The following GPR89B variants were observed in gnomAD, a reference collection of about 807,000 sequenced individuals.
GPR89B encodes the protein golgi pH regulator B, also known as G protein-coupled receptor 89B.
A neutral mutation model predicts 52.4 loss-of-function variants in GPR89B; 25 were observed. The ratio of observed to expected loss-of-function variants is 0.48; its 90% confidence interval spans 0.35 to 0.67. GPR89B has a LOEUF of 0.67. Ranked by LOEUF, GPR89B falls within the 30% of genes least tolerant of loss-of-function variation. The pLI is 0.01. For missense variants in GPR89B, 146 were observed against 450.2 expected (o/e 0.32, Z 6.11); for synonymous variants, 52 against 151.2 (o/e 0.34, Z 4.81).
chr1:147,969,295 A>G (rs1443863547), intron 9 of GPR89B: 5 of 334,622 alleles, frequency 1.5e-5, no homozygotes, highest in African/African-American at 1.1e-4. Context: ...TAGTAATATT[A>G]TAAGAGCAGT....
rs1299249480 is a variant in GPR89B at position 147,993,194 on chromosome 1, A to G, written c.*277A>G. On this transcript the variant is annotated 3_prime_UTR_variant, in exon 14 of 14. Transcript: ENST00000314163. ...TGTAGAGGCGGAGAGGAGCCAAGAA[A>G]CTAAAGGTGAAAAATACACTGGAAC... The G allele has an allele frequency of 1.0e-6, 1 of 985,220 alleles. No individual in the cohort carries two copies. Among genetic ancestry groups the G allele is most frequent in the African/African-American group, 1.6e-5 (1 of 60,970 alleles). The allele number at this position is 985,220 out of a possible 1,614,324, so 61.0% of individuals were successfully genotyped here.
chr1:148,017,261 C>T, the GPR89B span, among the ~76,000 whole-genome samples: 8 of 151,108 alleles, frequency 5.3e-5, no homozygotes, highest in African/African-American at 2.0e-4. Flanking sequence ...CCAGGATGGT[C>T]TCAATCTCCT....
intron 2 of GPR89B, among the ~76,000 whole-genome samples, chr1:147,938,071 G>A (rs1213014666): frequency 6.6e-6 from 1 of 152,150 alleles, no homozygotes; most frequent in Admixed American, 6.5e-5. Context: ...TGCGGCTTCA[G>A]CCAGTCCCTC....
At position 147,941,723 on chromosome 1, in the gene GPR89B, CATG is replaced by C. The variant is rs1317037888; in HGVS notation, c.207-1709_207-1707del. On this transcript the variant is annotated intron_variant, in intron 3 of 13. Transcript: ENST00000314163. ...GAATTAATTTTTATTTTCTTACAGACATGATGATTTTATCTAACTGATCAAATT... is the reference window on the plus strand; with the variant it reads ...GAATTAATTTTTATTTTCTTACAGACATGATTTTATCTAACTGATCAAATT... 5.3e-5 allele frequency among the ~76,000 whole-genome samples: 8 copies of C among 150,012 alleles called. No individual in the cohort carries two copies. In the South Asian group the frequency reaches 6.4e-4, roughly 12 times the overall value.
the GPR89B span, chr1:148,024,779 A>G: frequency 6.6e-6 from 1 of 151,398 alleles, no homozygotes; most frequent in East Asian, 1.9e-4. Context: ...CAGCCTCACA[A>G]AAATCTCAAG....
intron 7 of GPR89B, among the ~76,000 whole-genome samples, chr1:147,964,352 A>G (rs1656876040): frequency 6.6e-6 from 1 of 152,044 alleles, no homozygotes; most frequent in Non-Finnish European, 1.5e-5. Context: ...TCTGTTGTAC[A>G]CTACTACCAA....
chr1:148,011,018 G>A, the GPR89B span: 1 of 152,142 alleles, frequency 6.6e-6, no homozygotes, highest in African/African-American at 2.4e-5. Context: ...TCCTTCCAGA[G>A]ACTCTTCAAA....
chr1:147,998,081 A>G (rs1157340426), downstream of GPR89B, among the ~76,000 whole-genome samples: 1 of 151,684 alleles, frequency 6.6e-6, no homozygotes, highest in Non-Finnish European at 1.5e-5. Context: ...TTTTTGTAAT[A>G]GAATTACAAG....
At chr1:147,994,192 C>T (rs1184276031), downstream of GPR89B, 72 of 1,549,712 alleles carry the variant, frequency 4.6e-5, no homozygotes, top group Non-Finnish European at 5.6e-5. Flanking sequence ...TGGAGTTTTT[C>T]TTCTAAAGAG....
At chr1:147,986,631 A>G (rs1364876946) in intron 11 of GPR89B, among the ~76,000 whole-genome samples, 2 of 152,152 alleles carry the variant, frequency 1.3e-5, no homozygotes, top group Non-Finnish European at 2.9e-5. Flanking sequence ...AAGTATTCAA[A>G]TACTTCTCTC....
At chr1:147,972,525 T>C (rs1444350435) in intron 10 of GPR89B, among the ~76,000 whole-genome samples, 1 of 151,806 alleles carries the variant, frequency 6.6e-6, no homozygotes, top group African/African-American at 2.4e-5. Flanking sequence ...TTCTAATAGA[T>C]ACGAGGTGAT....
the GPR89B span, among the ~76,000 whole-genome samples, chr1:148,015,376 G>A: frequency 1.4e-4 from 21 of 146,524 alleles, no homozygotes; most frequent in African/African-American, 5.5e-4. Flanking sequence ...GTGCAGTGGC[G>A]CCATCTCGGC....
intron 11 of GPR89B, among the ~76,000 whole-genome samples, chr1:147,988,156 G>A (rs1163941668): frequency 2.6e-4 from 39 of 151,454 alleles, no homozygotes; most frequent in Non-Finnish European, 4.6e-4. Context: ...AGTTTGAGAC[G>A]AGCCTGAACT....
intron 10 of GPR89B, among the ~76,000 whole-genome samples, chr1:147,980,396 C>A (rs1431248615): frequency 8.3e-6 from 1 of 120,450 alleles, no homozygotes; most frequent in Non-Finnish European, 1.7e-5. Context: ...TCTATTTCTT[C>A]TTGAGTGAGC....
At chr1:147,972,418 AT>A (rs1308506394) in intron 10 of GPR89B, among the ~76,000 whole-genome samples, 2 of 150,588 alleles carry the variant, frequency 1.3e-5, no homozygotes, top group Non-Finnish European at 3.0e-5. Context: ...TTCCAAAAAA[AT>A]TGTATCATTT....
At chr1:147,975,944 A>AT (rs1227120410) in intron 10 of GPR89B, among the ~76,000 whole-genome samples, 13 of 152,032 alleles carry the variant, frequency 8.6e-5, no homozygotes, top group African/African-American at 3.1e-4. Context: ...AGGTTGTTCA[A>AT]TTTTCATGTA....
chr1:147,948,528 C>T (rs1655204680), intron 5 of GPR89B, among the ~76,000 whole-genome samples: 1 of 151,312 alleles, frequency 6.6e-6, no homozygotes, highest in African/African-American at 2.4e-5. Flanking sequence ...ATGTATCAGT[C>T]CTCATAGAGA....
At chr1:148,013,378 G>C in the GPR89B span, among the ~76,000 whole-genome samples, 2 of 152,136 alleles carry the variant, frequency 1.3e-5, no homozygotes, top group African/African-American at 4.8e-5. Context: ...TCTGATGTTG[G>C]TAGAGACGCT....
At chr1:148,025,255 C>T in the GPR89B span, among the ~76,000 whole-genome samples, 19 of 151,794 alleles carry the variant, frequency 1.3e-4, no homozygotes, top group Admixed American at 1.0e-3. Context: ...CCAGGCACTT[C>T]GGCTCAGGTG....
Sources: allele counts gnomAD v4.1 joint callset (sites outside exome capture counted in the v4.1 genomes callset), GRCh38; gene constraint gnomAD v4.1.1; transcripts MANE v1.5; gene names NCBI Gene and HGNC (gene_info 2026-07-23, HGNC 2026-07-21).